Variants in SPRED2 observed in about 807,000 individuals in gnomAD.
SPRED2 encodes sprouty-related, EVH1 domain-containing protein 2.
Under a neutral mutation model 43.0 loss-of-function variants are expected in SPRED2, and 47 were observed. That is an observed-to-expected ratio of 1.09 (90% CI 0.87 to 1.40). The LOEUF is 1.40. Among genes scored for constraint, SPRED2 ranks in the 40% most tolerant of loss-of-function variants. The probability of loss-of-function intolerance (pLI) is 0.00; values close to 1 mark genes in which losing one functional copy is unlikely to be tolerated. For missense variants in SPRED2, 561 were observed against 586.4 expected (o/e 0.96, Z 0.45); for synonymous variants, 225 against 225.7 (o/e 1.00, Z 0.03).
chr2:65,411,931 T>A (rs897436878), intron 1 of SPRED2, among the ~76,000 whole-genome samples: 1 of 151,882 alleles, frequency 6.6e-6, no homozygotes, highest in African/African-American at 2.4e-5. Context: ...ACGGAGACCA[T>A]CCTGGCCAAC....
intron 1 of SPRED2, among the ~76,000 whole-genome samples, chr2:65,414,843 A>T (rs1304440103): frequency 2.6e-5 from 4 of 152,162 alleles, no homozygotes; most frequent in Non-Finnish European, 5.9e-5. Flanking sequence ...GCAGGAATTG[A>T]TTGGGAGCTA....
Position 65,313,873 on chromosome 2 carries a change from GC to G in SPRED2, c.884del (p.Gly295AlafsTer39). The G allele has an allele frequency of 6.2e-7, 1 of 1,610,556 alleles. No individual in the cohort carries two copies. ...GSVIKTQPSR[G>X]KSRRRKEDGE... ...CGTCCTCCTTCCGCCGCCGCGACTT[GC>G]CCCGGGAGGGCTGCGTCTTGATCAC... On this transcript the variant is annotated frameshift_variant, in exon 6 of 6. Transcript: ENST00000356388. LOFTEE classifies it high-confidence loss of function.
At chr2:65,336,879 C>T (rs988822877) in intron 2 of SPRED2, among the ~76,000 whole-genome samples, 1 of 152,128 alleles carries the variant, frequency 6.6e-6, no homozygotes, top group Non-Finnish European at 1.5e-5. Context: ...GAGGCCGAGG[C>T]GGGCGGATCA....
At chr2:65,318,794 GCAC>G in intron 4 of SPRED2, among the ~76,000 whole-genome samples, 1 of 152,156 alleles carries the variant, frequency 6.6e-6, no homozygotes, top group African/African-American at 2.4e-5. Flanking sequence ...CAATAGGTGT[GCAC>G]CACCACCCCT....
intron 1 of SPRED2, among the ~76,000 whole-genome samples, chr2:65,390,772 G>A (rs1366573996): frequency 2.0e-5 from 3 of 152,054 alleles, no homozygotes; most frequent in Non-Finnish European, 4.4e-5. Context: ...AACAAGTCAC[G>A]TTAATTTTAT....
chr2:65,394,233 AC>A (rs1383717696), intron 1 of SPRED2, among the ~76,000 whole-genome samples: 3 of 152,226 alleles, frequency 2.0e-5, no homozygotes, highest in African/African-American at 7.2e-5. Context: ...ACACAGTTCA[AC>A]AACTATGCAA....
At chr2:65,324,729 G>C (rs537550542) in intron 4 of SPRED2, among the ~76,000 whole-genome samples, 1 of 152,278 alleles carries the variant, frequency 6.6e-6, no homozygotes, top group African/African-American at 2.4e-5. Context: ...GGAACCACCA[G>C]GCCAGACGAG....
At chr2:65,316,599 A>G (rs1650140562) in intron 5 of SPRED2, 135 bp downstream of exon 5, 6 of 1,101,394 alleles carry the variant, frequency 5.4e-6, no homozygotes, top group South Asian at 1.6e-5. Flanking sequence ...GCCACTTTCA[A>G]TATGAAGTGG....
intron 1 of SPRED2, among the ~76,000 whole-genome samples, chr2:65,369,452 G>A (rs1273868992): frequency 6.6e-6 from 1 of 152,136 alleles, no homozygotes; most frequent in Non-Finnish European, 1.5e-5. Flanking sequence ...GGTGGTGATA[G>A]CATATGCGAT....
chr2:65,410,163 G>T (rs1429828550), intron 1 of SPRED2, among the ~76,000 whole-genome samples: 1 of 151,824 alleles, frequency 6.6e-6, no homozygotes, highest in Non-Finnish European at 1.5e-5. Flanking sequence ...CTTGAGCCCA[G>T]GAGTTCGAGG....
At chr2:65,334,811 A>G (rs79697502) in intron 2 of SPRED2, 38 bp from the exon 3 acceptor site, 8 of 1,604,158 alleles carry the variant, frequency 5.0e-6, no homozygotes, top group Non-Finnish European at 6.8e-6. Context: ...TACTAGTGGA[A>G]CAGCCATGAT....
At chr2:65,340,918 C>T (rs2104250047) in intron 2 of SPRED2, among the ~76,000 whole-genome samples, 1 of 152,234 alleles carries the variant, frequency 6.6e-6, no homozygotes, top group Admixed American at 6.5e-5. Flanking sequence ...AGGGGGGTTC[C>T]TCAATAACTC....
intron 1 of SPRED2, among the ~76,000 whole-genome samples, chr2:65,397,313 G>T (rs979462451): frequency 1.3e-5 from 2 of 152,114 alleles, no homozygotes; most frequent in East Asian, 3.9e-4. Flanking sequence ...CACAGACAGC[G>T]CCAAGTAATA....
At chr2:65,424,638 TAATAAA>T (rs1178966148) in intron 1 of SPRED2, among the ~76,000 whole-genome samples, 2 of 151,062 alleles carry the variant, frequency 1.3e-5, no homozygotes, top group Non-Finnish European at 1.5e-5. Flanking sequence ...AAAAAAAAAG[TAATAAA>T]AATAAAAGAT....
rs74471470 is a variant in SPRED2 at position 65,408,498 on chromosome 2, G to A, written c.26+23464C>T. Among the ~76,000 whole-genome samples, 504 of 152,234 alleles carry A rather than the reference G, an allele frequency of 3.3e-3. 3 individuals are homozygous for A. Among genetic ancestry groups the A allele is most frequent in the African/African-American group, 0.011 (467 of 41,524 alleles). ...TCATAGAGCTCCAGGCAAATTGCTC[G>A]GACCAGAACCAGAGCCCCCTTCCAA... On this transcript the variant is annotated intron_variant, in intron 1 of 5. Coordinates refer to ENST00000356388, the MANE Select transcript of SPRED2 (RefSeq NM_181784.3).
chr2:65,307,986 T>C (rs1672977208), downstream of SPRED2, among the ~76,000 whole-genome samples: 1 of 134,588 alleles, frequency 7.4e-6, no homozygotes, highest in Admixed American at 7.6e-5. Flanking sequence ...TGTGATTGCC[T>C]GCTCCAATGC....
chr2:65,356,076 T>TA (rs1381521425), intron 1 of SPRED2, among the ~76,000 whole-genome samples: 1 of 152,246 alleles, frequency 6.6e-6, no homozygotes, highest in Non-Finnish European at 1.5e-5. Context: ...TTTAGGGCTT[T>TA]AAATTGCAGC....
At chr2:65,308,960 C>G (rs1313651595), downstream of SPRED2, among the ~76,000 whole-genome samples, 2 of 151,970 alleles carry the variant, frequency 1.3e-5, no homozygotes. Context: ...TGAGACCAGC[C>G]TGACTGACCA....
At chr2:65,369,286 C>A (rs575762969) in intron 1 of SPRED2, among the ~76,000 whole-genome samples, 34 of 151,984 alleles carry the variant, frequency 2.2e-4, no homozygotes, top group African/African-American at 7.5e-4. Context: ...CACACACATA[C>A]ACACACACAT....
Sources: gnomAD v4.1 joint callset for allele counts (sites outside exome capture counted in the v4.1 genomes callset) on GRCh38, gnomAD v4.1.1 for gene constraint, MANE v1.5 for transcripts, NCBI Gene and HGNC (gene_info 2026-07-23, HGNC 2026-07-21) for gene names.